Variants in POLQ observed in about 807,000 individuals in gnomAD.
POLQ encodes the protein DNA polymerase theta, also known as epididymis secretory sperm binding protein.
POLQ carries 233 observed loss-of-function variants against 259.2 expected under a neutral mutation model. That is an observed-to-expected ratio of 0.90 (90% CI 0.81 to 1.00). The LOEUF (loss-of-function observed/expected upper bound fraction) is 1.00, where lower values mean the gene tolerates loss of function less well. POLQ is among the 50% of genes least tolerant of loss of function. The pLI, the probability that POLQ is intolerant of heterozygous loss-of-function variation, is 0.00. For missense variants in POLQ, 2,871 were observed against 3,051.6 expected, an observed-to-expected ratio of 0.94 and a Z score of 1.39; for synonymous variants, 1,025 against 1,048.8, an observed-to-expected ratio of 0.98 and a Z score of 0.44.
intron 25 of POLQ, among the ~76,000 whole-genome samples, chr3:121,457,090 A>G (rs2047745847): frequency 6.6e-6 from 1 of 152,200 alleles, no homozygotes. Flanking sequence ...CATATCTACA[A>G]CTATCTGATC....
At chr3:121,525,670 TA>T (rs1480991509) in intron 7 of POLQ, among the ~76,000 whole-genome samples, 1 of 152,162 alleles carries the variant, frequency 6.6e-6, no homozygotes, top group African/African-American at 2.4e-5. Context: ...GTCCGTGCCA[TA>T]AAAAAAGTCA....
intron 12 of POLQ, 143 bp downstream of exon 12, chr3:121,509,418 T>TACCTCTTCTC (rs1233319863): frequency 7.8e-6 from 4 of 515,600 alleles, no homozygotes; most frequent in Non-Finnish European, 1.3e-5. Flanking sequence ...ATTATCTTCT[T>TACCTCTTCTC]ACCTCTTCTC....
rs541688583 is a variant in POLQ, at chr3:121,509,678, A to G, written c.1842T>C (p.Leu614=). Residue 614 remains leucine (L), a synonymous_variant, in exon 12 of 30, where the codon CTT becomes CTC. Transcript: ENST00000264233. The part of the protein sequence containing the change: ...TEGKVYHPTH[L]GSATLSSSLS... ...GTGAAGAAGAAAGAGTGGCCGAACC[A>G]AGATGTGTTGGATGATACACCTTTC... 25 of 1,613,934 alleles carry G rather than the reference A, an allele frequency of 1.5e-5. No homozygotes were observed. The African/African-American group carries it at 2.9e-4, about 19-fold the overall frequency.
intron 7 of POLQ, among the ~76,000 whole-genome samples, chr3:121,524,650 A>G (rs923745755): frequency 1.3e-5 from 2 of 152,128 alleles, no homozygotes; most frequent in Non-Finnish European, 2.9e-5. Flanking sequence ...GACTTTATTT[A>G]CGTGGAATTT....
Position 121,475,612 on chromosome 3 carries a change from C to G in POLQ, c.6405+928G>C, listed in dbSNP as rs185160426. The stretch of plus-strand genomic sequence containing the variant: ...ATCTCAAGTTATATATTTAGAAGTT[C>G]TTTAGCTTAAGCATTTTTTTGGGGG... On this transcript the variant is annotated intron_variant, in intron 20 of 29. Coordinates refer to ENST00000264233, the MANE Select transcript of POLQ (RefSeq NM_199420.4). 3.5e-4 allele frequency among the ~76,000 whole-genome samples: 53 copies of G among 152,230 alleles called. 1 individual carries two copies. The highest frequency in any genetic ancestry group is 1.2e-3 in the African/African-American group (50 of 41,494).
intron 7 of POLQ, among the ~76,000 whole-genome samples, chr3:121,525,605 A>G (rs2048368004): frequency 6.6e-6 from 1 of 152,170 alleles, no homozygotes; most frequent in South Asian, 2.1e-4. Flanking sequence ...ATGTTTATAT[A>G]CGGTACCAAT....
chr3:121,484,671 C>A (rs1456965462), intron 17 of POLQ, among the ~76,000 whole-genome samples: 1 of 152,124 alleles, frequency 6.6e-6, no homozygotes, highest in African/African-American at 2.4e-5. Context: ...GAGGCCAAGG[C>A]GGGTGGATCA....
intron 6 of POLQ, among the ~76,000 whole-genome samples, chr3:121,532,104 C>A (rs2048415467): frequency 6.6e-6 from 1 of 152,022 alleles, no homozygotes; most frequent in African/African-American, 2.4e-5. Flanking sequence ...TTTCTAGATG[C>A]CAGATAATTT....
chr3:121,476,454 A>G, intron 20 of POLQ, 86 bp downstream of exon 20: 1 of 880,762 alleles, frequency 1.1e-6, no homozygotes, highest in Non-Finnish European at 1.6e-6. Context: ...GTTCAGGTAA[A>G]TACACACACA....
chr3:121,538,605 T>G (rs77424564), intron 4 of POLQ, among the ~76,000 whole-genome samples: 5 of 148,284 alleles, frequency 3.4e-5, no homozygotes, highest in African/African-American at 1.2e-4. Flanking sequence ...AAAAAAAAAG[T>G]ATTCTGCCTG....
At chr3:121,452,699 T>C (rs1229097425) in intron 25 of POLQ, among the ~76,000 whole-genome samples, 1 of 151,824 alleles carries the variant, frequency 6.6e-6, no homozygotes, top group African/African-American at 2.4e-5. Flanking sequence ...ATGCCCGCCA[T>C]TGCCCAGGCT....
intron 15 of POLQ, among the ~76,000 whole-genome samples, chr3:121,492,023 C>A (rs2048072472): frequency 6.6e-6 from 1 of 151,754 alleles, no homozygotes; most frequent in African/African-American, 2.4e-5. Flanking sequence ...ATCTCCACCA[C>A]CCCCCTACCC....
At chr3:121,457,254 C>T (rs922404805) in intron 25 of POLQ, among the ~76,000 whole-genome samples, 49 of 152,186 alleles carry the variant, frequency 3.2e-4, no homozygotes, top group African/African-American at 1.2e-3. Flanking sequence ...TAAAGACTTA[C>T]TTGTTAAACC....
intron 13 of POLQ, among the ~76,000 whole-genome samples, chr3:121,498,275 A>T (rs1455938435): frequency 1.3e-5 from 2 of 151,986 alleles, no homozygotes; most frequent in African/African-American, 2.4e-5. Flanking sequence ...GCGCTATTGC[A>T]CTCCAGCCTG....
intron 26 of POLQ, among the ~76,000 whole-genome samples, chr3:121,447,614 T>C (rs2047642530): frequency 6.6e-6 from 1 of 152,236 alleles, no homozygotes; most frequent in African/African-American, 2.4e-5. Flanking sequence ...ATAGTCTGTG[T>C]CTCTCTGCGT....
chr3:121,466,157 A>G (rs514085), intron 24 of POLQ, among the ~76,000 whole-genome samples: 1 of 152,130 alleles, frequency 6.6e-6, no homozygotes, highest in Non-Finnish European at 1.5e-5. Context: ...GAAACCAGCC[A>G]CAACATTCTC....
chr3:121,533,111 G>C lies in POLQ; in HGVS notation c.839C>G (p.Ala280Gly). The change falls in exon 6 of 30, where the codon GCT becomes GGT. Residue 280 changes from alanine (A) to glycine (G), a missense_variant. Ala to Gly is a moderately conservative substitution (Grantham distance 60). Coordinates refer to ENST00000264233, the MANE Select transcript of POLQ (RefSeq NM_199420.4). ...NLELVASWLN[A>G]ELYHTDFRPV... The stretch of plus-strand genomic sequence containing the variant: ...GCGAAAGTCGGTATGGTAGAGTTCA[G>C]CATTCAACCAGGAAGCCACAAGCTC... 1 of 1,613,932 alleles carries C rather than the reference G, an allele frequency of 6.2e-7. No individual in the cohort carries two copies. The highest frequency in any genetic ancestry group is 8.5e-7 in the Non-Finnish European group (1 of 1,179,846).
At chr3:121,508,737 T>C (rs2048229884) in intron 12 of POLQ, among the ~76,000 whole-genome samples, 1 of 152,196 alleles carries the variant, frequency 6.6e-6, no homozygotes, top group Non-Finnish European at 1.5e-5. Context: ...TACATAGCGA[T>C]TTTTATTGAA....
At chr3:121,432,630 T>C (rs548557348) in intron 29 of POLQ, among the ~76,000 whole-genome samples, 242 of 152,338 alleles carry the variant, frequency 1.6e-3, no homozygotes, top group Non-Finnish European at 2.5e-3. Flanking sequence ...TCTGAAAGTT[T>C]TTGCTAGAAT....
Sources: allele counts gnomAD v4.1 joint callset (sites outside exome capture counted in the v4.1 genomes callset), GRCh38; gene constraint gnomAD v4.1.1; transcripts MANE v1.5; gene names NCBI Gene and HGNC (gene_info 2026-07-23, HGNC 2026-07-21).